The following BFSP2 variants were observed in gnomAD, a reference collection of about 807,000 sequenced individuals.
The protein encoded by BFSP2 is beaded filament structural protein 2, also known as phakinin.
A neutral mutation model predicts 44.9 loss-of-function variants in BFSP2; 38 were observed. That is an observed-to-expected ratio of 0.85 (90% CI 0.65 to 1.11). The LOEUF (loss-of-function observed/expected upper bound fraction) is 1.11. Among genes scored for constraint, BFSP2 ranks in the 50% least tolerant of loss-of-function variants. BFSP2 has a pLI of 0.00. For missense variants in BFSP2, 525 were observed against 533.0 expected (o/e 0.99, Z 0.15); for synonymous variants, 197 against 209.9 (o/e 0.94, Z 0.53).
intron 1 of BFSP2, among the ~76,000 whole-genome samples, chr3:133,415,348 C>T (rs111161458): frequency 0.62 from 16,695 of 26,860 alleles, 4,793 homozygotes; most frequent in African/African-American, 0.66. Flanking sequence ...GTGTCCTCTC[C>T]CCTCTACTCA....
intron 1 of BFSP2, among the ~76,000 whole-genome samples, chr3:133,412,969 GAATGTATC>G (rs1350894991): frequency 6.6e-6 from 1 of 152,192 alleles, no homozygotes; most frequent in African/African-American, 2.4e-5. Context: ...GCTGGCGCCA[GAATGTATC>G]TGAGTAACCA....
At chr3:133,407,995 A>C (rs1330376403) in intron 1 of BFSP2, among the ~76,000 whole-genome samples, 1 of 152,190 alleles carries the variant, frequency 6.6e-6, no homozygotes, top group Non-Finnish European at 1.5e-5. Flanking sequence ...CAAAATACAA[A>C]AGCAACAAAG....
chr3:133,422,834 C>T (rs563606626), intron 1 of BFSP2, among the ~76,000 whole-genome samples: 17 of 112,300 alleles, frequency 1.5e-4, no homozygotes, highest in South Asian at 3.0e-4. Flanking sequence ...GGGGGGTTGC[C>T]GAGAGACAGC....
intron 1 of BFSP2, among the ~76,000 whole-genome samples, chr3:133,425,265 G>A (rs2073632948): frequency 6.6e-6 from 1 of 152,220 alleles, no homozygotes; most frequent in Admixed American, 6.5e-5. Context: ...TCTGGGACCT[G>A]GAGGTCTAGA....
intron 1 of BFSP2, among the ~76,000 whole-genome samples, chr3:133,426,568 C>T (rs556508811): frequency 3.0e-4 from 46 of 152,362 alleles, no homozygotes; most frequent in Admixed American, 5.2e-4. Context: ...TCCCATGAGT[C>T]CTTGCTGTTG....
chr3:133,415,592 C>T (rs143239357), intron 1 of BFSP2, among the ~76,000 whole-genome samples: 6 of 76,684 alleles, frequency 7.8e-5, no homozygotes, highest in Admixed American at 1.2e-4. Flanking sequence ...ACCCCTGCCC[C>T]CTCCGCTCTA....
intron 1 of BFSP2, chr3:133,410,338 C>A: frequency 2.8e-6 from 1 of 352,502 alleles, no homozygotes. Context: ...CACTAACAGT[C>A]GTGGCCAGAG....
chr3:133,420,729 GC>G (rs2107893702), intron 1 of BFSP2, among the ~76,000 whole-genome samples: 1 of 152,318 alleles, frequency 6.6e-6, no homozygotes, highest in African/African-American at 2.4e-5. Context: ...GTCCTGTGCA[GC>G]CCCTGTGAGG....
intron 1 of BFSP2, among the ~76,000 whole-genome samples, chr3:133,438,935 AT>A (rs1157045366): frequency 1.3e-5 from 2 of 152,186 alleles, no homozygotes; most frequent in Non-Finnish European, 2.9e-5. Flanking sequence ...TTAAAAGGAT[AT>A]TTTTTAAAAC....
chr3:133,470,430 T>C (rs2074151733), intron 5 of BFSP2, among the ~76,000 whole-genome samples: 1 of 152,198 alleles, frequency 6.6e-6, no homozygotes, highest in Non-Finnish European at 1.5e-5. Flanking sequence ...TTCAATCCAA[T>C]TTAGAAAGAT....
At chr3:133,465,603 AAC>A (rs907829444) in intron 4 of BFSP2, among the ~76,000 whole-genome samples, 5 of 152,308 alleles carry the variant, frequency 3.3e-5, no homozygotes, top group Middle Eastern at 6.8e-3. Flanking sequence ...AGAAGTTAAA[AAC>A]ACAGAGCTTC....
intron 1 of BFSP2, 28 bp from the exon 2 acceptor site, chr3:133,447,289 T>A: frequency 1.2e-6 from 2 of 1,612,858 alleles, no homozygotes; most frequent in Non-Finnish European, 1.7e-6. Flanking sequence ...AGTGACCTTG[T>A]CTCCTTTGGT....
At position 133,468,058 on chromosome 3, in the gene BFSP2, G is replaced by A. The variant is rs114175423; in HGVS notation, c.1023+1099G>A. 1.3e-3 allele frequency among the ~76,000 whole-genome samples: 197 copies of A among 152,314 alleles called. 1 individual carries two copies. Among genetic ancestry groups the A allele is most frequent in the African/African-American group, 4.7e-3 (196 of 41,566 alleles). On this transcript the variant is annotated intron_variant, in intron 5 of 6. Transcript: ENST00000302334. ...CTCAGTGTTTCTAGGGGGATCCAAT[G>A]TGTGGATGCACATGAGCATGCTCTT...
chr3:133,446,218 C>T (rs975320434), intron 1 of BFSP2, among the ~76,000 whole-genome samples: 4 of 151,950 alleles, frequency 2.6e-5, no homozygotes, highest in African/African-American at 4.8e-5. Context: ...GTCAGGAGTT[C>T]GAGACCAGCC....
Position 133,400,642 on chromosome 3 carries a change from T to C in BFSP2, c.489+70T>C. 1.3e-6 allele frequency: 2 copies of C among 1,548,444 alleles called. No homozygotes were observed. Among genetic ancestry groups the C allele is most frequent in the Non-Finnish European group, 1.7e-6 (2 of 1,146,854 alleles). On this transcript the variant is annotated intron_variant, in intron 1 of 6. Transcript: ENST00000302334. The surrounding 1 kb of genome is among the most constrained non-coding windows in gnomAD (Gnocchi z 4.0). ...GGGCTGCTGAAGGCAGCGGGTAGGG[T>C]TGTGAGTAGGCTGAGGCCAGAGAAA... is the stretch of plus-strand genomic sequence containing the variant.
At position 133,450,287 on chromosome 3, in the gene BFSP2, A is replaced by G. The variant is rs770817384; in HGVS notation, c.730-16A>G. Reference sequence around the variant, plus strand: ...TCCCCCCGTAACTCATCTAAGATGTATATTGTTGTTTTCAGGATGTGAAGC... The same window carrying G: ...TCCCCCCGTAACTCATCTAAGATGTGTATTGTTGTTTTCAGGATGTGAAGC... On this transcript the variant is annotated splice_polypyrimidine_tract_variant and intron_variant, in intron 3 of 6. Transcript: ENST00000302334. 1 of 1,613,994 alleles carries G rather than the reference A, an allele frequency of 6.2e-7. No individual in the cohort carries two copies. The highest frequency in any genetic ancestry group is 8.5e-7 in the Non-Finnish European group (1 of 1,179,882).
At chr3:133,410,211 CAG>C in intron 1 of BFSP2, 1 of 263,080 alleles carries the variant, frequency 3.8e-6, no homozygotes, top group Non-Finnish European at 7.3e-6. Flanking sequence ...CCACCTATAA[CAG>C]ATGAAAATGG....
At chr3:133,430,241 C>A (rs374369820) in intron 1 of BFSP2, among the ~76,000 whole-genome samples, 3 of 152,146 alleles carry the variant, frequency 2.0e-5, no homozygotes, top group South Asian at 4.1e-4. Flanking sequence ...TTTATAGCAG[C>A]ATGATTTATA....
At chr3:133,415,003 C>CT (rs1169476192) in intron 1 of BFSP2, among the ~76,000 whole-genome samples, 56 of 137,042 alleles carry the variant, frequency 4.1e-4, no homozygotes, top group African/African-American at 1.4e-3. Flanking sequence ...CCCTTGTCCT[C>CT]TCTCCTCTAC....
Sources: allele counts gnomAD v4.1 joint callset (sites outside exome capture counted in the v4.1 genomes callset), GRCh38; gene constraint gnomAD v4.1.1; non-coding constraint Gnocchi (gnomAD v3.1); transcripts MANE v1.5; gene names NCBI Gene and HGNC (gene_info 2026-07-23, HGNC 2026-07-21).